Variants in RCOR3 observed in about 807,000 individuals in gnomAD.
RCOR3 encodes REST corepressor 3.
RCOR3 carries 13 observed loss-of-function variants against 64.1 expected under a neutral mutation model. The ratio of observed to expected loss-of-function variants is 0.20; its 90% CI spans 0.13 to 0.32. The LOEUF (loss-of-function observed/expected upper bound fraction) is 0.32, where lower values mean the gene tolerates loss of function less well. RCOR3 is among the 10% of genes least tolerant of loss of function. RCOR3 has a pLI of 1.00. For missense variants in RCOR3, 489 were observed against 701.2 expected (o/e 0.70, Z 3.42); for synonymous variants, 215 against 239.0 (o/e 0.90, Z 0.93).
intron 9 of RCOR3, among the ~76,000 whole-genome samples, chr1:211,299,968 A>G (rs1700205470): frequency 6.7e-6 from 1 of 149,204 alleles, no homozygotes; most frequent in African/African-American, 2.5e-5. Flanking sequence ...TTTTGACCCT[A>G]TTTTTTCTTC....
At chr1:211,291,557 C>T (rs1436708969) in intron 8 of RCOR3, 12 of 456,028 alleles carry the variant, frequency 2.6e-5, no homozygotes, top group Non-Finnish European at 4.8e-5. Flanking sequence ...TGGACTGTAT[C>T]CCCTGCGGAT....
At chr1:211,268,471 C>G (rs1011451805) in intron 2 of RCOR3, among the ~76,000 whole-genome samples, 2 of 138,584 alleles carry the variant, frequency 1.4e-5, no homozygotes, top group Admixed American at 8.0e-5. Context: ...CCTCCGCCTC[C>G]CAGGTTCAAG....
intron 5 of RCOR3, among the ~76,000 whole-genome samples, chr1:211,277,034 C>T (rs1159520204): frequency 1.1e-4 from 17 of 150,266 alleles, no homozygotes; most frequent in African/African-American, 2.9e-4. Flanking sequence ...TGCAGTGAAC[C>T]GAGATTGCAC....
rs375619328 is a variant in RCOR3, at chr1:211,316,254, GT to G, written c.*2491del. The G allele has an allele frequency of 2.0e-5, 3 of 152,154 alleles. No individual in the cohort carries two copies. In the East Asian group the frequency reaches 5.8e-4, roughly 29 times the overall value. 9.4% of individuals were successfully genotyped at this position (152,154 alleles called of 1,614,324 possible). On this transcript the variant is annotated 3_prime_UTR_variant, in exon 12 of 12. Coordinates refer to ENST00000419091, the MANE Select transcript of RCOR3 (RefSeq NM_001136223.3). ...ATCTTATAAAACTAATGGAAACAATGTTTTTCTATATGATTTAATTCTAGTG... is the reference window on the plus strand; with the variant it reads ...ATCTTATAAAACTAATGGAAACAATGTTTTCTATATGATTTAATTCTAGTG...
intron 2 of RCOR3, chr1:211,261,240 C>A (rs1329943531): frequency 5.3e-5 from 8 of 152,162 alleles, no homozygotes; most frequent in Non-Finnish European, 1.2e-4. Flanking sequence ...TATTAGGATA[C>A]AGAGGCGTGT....
At chr1:211,273,704 A>C (rs1696560888) in intron 3 of RCOR3, among the ~76,000 whole-genome samples, 1 of 152,190 alleles carries the variant, frequency 6.6e-6, no homozygotes, top group Admixed American at 6.5e-5. Context: ...AGCTGAAGAA[A>C]ATTTAGAGTA....
In RCOR3 at chr1:211,314,474, C is replaced by A. The variant is rs1013243722; in HGVS notation, c.*706C>A. ...ACAGTTTAGGGTCCTAGCGCAGAGT[C>A]CTTGTTTAAAGGTCATTGACTCATC... On this transcript the variant is annotated 3_prime_UTR_variant, in exon 12 of 12. Coordinates refer to ENST00000419091, the MANE Select transcript of RCOR3 (RefSeq NM_001136223.3). 1.3e-5 allele frequency: 2 copies of A among 152,000 alleles called. No homozygotes were observed. Among genetic ancestry groups the A allele is most frequent in the Non-Finnish European group, 2.9e-5 (2 of 67,984 alleles). 9.4% of individuals were successfully genotyped at this position (152,000 alleles called of 1,614,324 possible).
intron 7 of RCOR3, among the ~76,000 whole-genome samples, chr1:211,280,811 C>A (rs1697685484): frequency 6.6e-6 from 1 of 152,000 alleles, no homozygotes; most frequent in Admixed American, 6.6e-5. Context: ...TGGAGAAACC[C>A]CGTCTCTACT....
chr1:211,282,368 A>G (rs937198849), intron 7 of RCOR3, among the ~76,000 whole-genome samples: 23 of 152,244 alleles, frequency 1.5e-4, no homozygotes, highest in African/African-American at 5.5e-4. Context: ...TGTTGTTAAC[A>G]TATTACATAG....
chr1:211,313,355 C>T lies in RCOR3; in HGVS notation c.1318-69C>T. On this transcript the variant is annotated intron_variant, in intron 11 of 11. Coordinates refer to ENST00000419091, the MANE Select transcript of RCOR3 (RefSeq NM_001136223.3). This position sits in a 1 kb window ranked among gnomAD's most constrained non-coding sequence, Gnocchi z 4.7. ...TTGTTTTGTTTTTCCTGTGACAGCC[C>T]AAACTATATTGTATTAAGTTCATTA... 5.3e-6 allele frequency: 8 copies of T among 1,522,528 alleles called. 1 individual carries two copies. The South Asian group carries it at 1.1e-4, about 20-fold the overall frequency. The allele number at this position is 1,522,528 out of a possible 1,614,324, so 94.3% of individuals were successfully genotyped here. A position where few individuals can be genotyped will look rare whatever the true frequency, so the allele number is the denominator to read the frequency against.
At chr1:211,267,061 G>T (rs1168595608) in intron 2 of RCOR3, among the ~76,000 whole-genome samples, 1 of 152,140 alleles carries the variant, frequency 6.6e-6, no homozygotes, top group East Asian at 1.9e-4. Flanking sequence ...ACTTAAGAAA[G>T]AACTGTCTTC....
chr1:211,271,901 CCATT>C (rs1408462557), intron 3 of RCOR3: 1 of 162,528 alleles, frequency 6.2e-6, no homozygotes, highest in African/African-American at 2.4e-5. Context: ...ACCCACCCCT[CCATT>C]CAGTTATCAT....
At chr1:211,308,698 T>TTG (rs1701175394) in intron 10 of RCOR3, among the ~76,000 whole-genome samples, 14 of 40,866 alleles carry the variant, frequency 3.4e-4, no homozygotes, top group African/African-American at 8.9e-4. Flanking sequence ...TTTTTTTTTT[T>TTG]TGTGTAGTCC....
intron 10 of RCOR3, among the ~76,000 whole-genome samples, chr1:211,308,885 T>A (rs1426035120): frequency 6.6e-6 from 1 of 151,678 alleles, no homozygotes; most frequent in Non-Finnish European, 1.5e-5. Context: ...CTAATTTTTG[T>A]ATTTTTAGTA....
intron 2 of RCOR3, among the ~76,000 whole-genome samples, chr1:211,269,498 G>A (rs1695792005): frequency 6.6e-6 from 1 of 152,154 alleles, no homozygotes; most frequent in Non-Finnish European, 1.5e-5. Context: ...TTAGGAGGCT[G>A]AGGCAGGAGA....
At chr1:211,266,774 A>G (rs1181807844) in intron 2 of RCOR3, among the ~76,000 whole-genome samples, 4 of 152,256 alleles carry the variant, frequency 2.6e-5, no homozygotes, top group Non-Finnish European at 4.4e-5. Flanking sequence ...GACTTTTACA[A>G]TGAAAAAGGT....
chr1:211,286,348 C>G, intron 7 of RCOR3, among the ~76,000 whole-genome samples: 1 of 151,000 alleles, frequency 6.6e-6, no homozygotes, highest in Non-Finnish European at 1.5e-5. Flanking sequence ...CGCTTTGTCA[C>G]CCAGGCTGGA....
chr1:211,310,126 G>T (rs768501591), intron 10 of RCOR3, among the ~76,000 whole-genome samples: 12 of 152,148 alleles, frequency 7.9e-5, no homozygotes, highest in Non-Finnish European at 1.8e-4. Flanking sequence ...CAGCATTGTA[G>T]TAATGCTAGT....
chr1:211,308,296 A>C (rs1435331385), intron 10 of RCOR3, among the ~76,000 whole-genome samples: 1 of 152,154 alleles, frequency 6.6e-6, no homozygotes, highest in Non-Finnish European at 1.5e-5. Flanking sequence ...GTAACTTATA[A>C]TGTGATTTTG....
Sources: gnomAD v4.1 joint callset for allele counts (sites outside exome capture counted in the v4.1 genomes callset) on GRCh38, gnomAD v4.1.1 for gene constraint, Gnocchi (gnomAD v3.1) non-coding constraint, MANE v1.5 for transcripts, NCBI Gene and HGNC (gene_info 2026-07-23, HGNC 2026-07-21) for gene names.